Variants in CYB5RL observed in about 807,000 individuals in gnomAD.
The protein encoded by CYB5RL is NADH-cytochrome b5 reductase-like.
Under a neutral mutation model 37.5 loss-of-function variants are expected in CYB5RL, and 38 were observed. The observed-to-expected ratio is 1.01, with a 90% confidence interval of 0.78 to 1.33. CYB5RL has a LOEUF of 1.33. Ranked by LOEUF, CYB5RL falls within the 40% of genes most tolerant of loss-of-function variation. CYB5RL has a pLI of 0.00. For synonymous variants in CYB5RL, 141 were observed against 151.9 expected, an observed-to-expected ratio of 0.93 and a Z score of 0.53; for missense variants, 388 against 394.4, an observed-to-expected ratio of 0.98 and a Z score of 0.14.
At chr1:54,199,073 T>C (rs1476543755) in intron 1 of CYB5RL, among the ~76,000 whole-genome samples, 1 of 152,188 alleles carries the variant, frequency 6.6e-6, no homozygotes, top group Non-Finnish European at 1.5e-5. Context: ...AGGCACCACC[T>C]TTAATCCAGG....
chr1:54,191,291 C>A (rs1353395324), intron 3 of CYB5RL, among the ~76,000 whole-genome samples: 1 of 152,184 alleles, frequency 6.6e-6, no homozygotes. Flanking sequence ...TCAAGCAGTG[C>A]CCTCTTATCC....
intron 3 of CYB5RL, among the ~76,000 whole-genome samples, chr1:54,194,091 C>T (rs2100483952): frequency 6.6e-6 from 1 of 151,026 alleles, no homozygotes; most frequent in Non-Finnish European, 1.5e-5. Context: ...AACTGCAAGG[C>T]CAGGTGTGGT....
chr1:54,190,480 T>C (rs1165714272), intron 4 of CYB5RL: 3 of 592,624 alleles, frequency 5.1e-6, no homozygotes, highest in Admixed American at 6.3e-5. Flanking sequence ...ACACAGGATT[T>C]TGTGAGGGTT....
At position 54,177,936 on chromosome 1, in the gene CYB5RL, G is replaced by A. The variant is rs577621991; in HGVS notation, c.744+1213C>T. 9.1e-4 allele frequency among the ~76,000 whole-genome samples: 139 copies of A among 152,290 alleles called. 2 individuals carry two copies. The highest frequency in any genetic ancestry group is 3.0e-3 in the African/African-American group (125 of 41,572). Reference sequence around the variant, plus strand: ...GCAGCTTGGGGACCCTCTGCCAGGTGCTGCCTTCCTGCCCTCCTCCCAGCA... The same window carrying A: ...GCAGCTTGGGGACCCTCTGCCAGGTACTGCCTTCCTGCCCTCCTCCCAGCA... On this transcript the variant is annotated intron_variant, in intron 7 of 7. Coordinates refer to ENST00000534324, the MANE Select transcript of CYB5RL (RefSeq NM_001031672.4).
At chr1:54,194,004 C>CAATAATAAT (rs71066906) in intron 3 of CYB5RL, among the ~76,000 whole-genome samples, 1,733 of 146,696 alleles carry the variant, frequency 0.012, 24 homozygotes, top group East Asian at 0.043. Context: ...GACTCTTCCT[C>CAATAATAAT]AATAATAATA....
At chr1:54,189,010 C>T (rs1302528002) in intron 4 of CYB5RL, among the ~76,000 whole-genome samples, 10 of 152,096 alleles carry the variant, frequency 6.6e-5, no homozygotes, top group Non-Finnish European at 4.4e-5. Flanking sequence ...TGGTGAAACC[C>T]CATCTCTACT....
At chr1:54,195,285 T>C in intron 3 of CYB5RL, 134 bp downstream of exon 3, 1 of 1,067,772 alleles carries the variant, frequency 9.4e-7, no homozygotes, top group Non-Finnish European at 1.3e-6. Flanking sequence ...TGAGCCTAGA[T>C]CTGTTTGCTT....
chr1:54,186,273 T>G (rs1643896420), intron 5 of CYB5RL: 1 of 152,250 alleles, frequency 6.6e-6, no homozygotes, highest in Admixed American at 6.5e-5. Context: ...CTTTTTGAGC[T>G]TCAGTTTCTT....
At chr1:54,189,772 G>C (rs1489692550) in intron 4 of CYB5RL, among the ~76,000 whole-genome samples, 1 of 152,178 alleles carries the variant, frequency 6.6e-6, no homozygotes, top group Non-Finnish European at 1.5e-5. Flanking sequence ...TTCTAGGACT[G>C]CTGGCCAGGT....
chr1:54,172,630 C>T lies in CYB5RL; in HGVS notation c.*1989G>A, dbSNP rs549424575. 242 of 152,450 alleles carry T rather than the reference C, an allele frequency of 1.6e-3. 2 individuals carry two copies. Among genetic ancestry groups the T allele is most frequent in the Non-Finnish European group, 3.1e-3 (212 of 68,140 alleles). The allele number at this position is 152,450 out of a possible 1,614,324, so 9.4% of individuals were successfully genotyped here. A position where few individuals can be genotyped will look rare whatever the true frequency, so the allele number is the denominator to read the frequency against. ...TTTCATGACACCCATCACTTTTAGA[C>T]TTACAGGTTGAATTGCTGCCTTCCT... On this transcript the variant is annotated 3_prime_UTR_variant, in exon 8 of 8. Transcript: ENST00000534324.
intron 7 of CYB5RL, 99 bp downstream of exon 7, chr1:54,179,050 A>C (rs1166081906): frequency 7.3e-7 from 1 of 1,378,140 alleles, no homozygotes; most frequent in East Asian, 2.5e-5. Context: ...TTATGACCAC[A>C]GCATCCATTG....
intron 1 of CYB5RL, among the ~76,000 whole-genome samples, chr1:54,199,230 T>A (rs1456782372): frequency 6.6e-6 from 1 of 152,188 alleles, no homozygotes; most frequent in African/African-American, 2.4e-5. Context: ...ATACACGCAT[T>A]CACTAAACAT....
chr1:54,182,700 C>T (rs1207267627), intron 6 of CYB5RL, among the ~76,000 whole-genome samples: 3 of 152,144 alleles, frequency 2.0e-5, no homozygotes, highest in African/African-American at 7.2e-5. Flanking sequence ...CAGGTGTGTG[C>T]CACCATGCCT....
In CYB5RL at chr1:54,175,730, T is replaced by C. The variant is rs905458043; in HGVS notation, c.745-908A>G. 2.9e-5 allele frequency: 12 copies of C among 415,748 alleles called. 1 individual carries two copies. The highest frequency in any genetic ancestry group is 1.1e-4 in the Admixed American group (4 of 37,556). 25.8% of individuals were successfully genotyped at this position (415,748 alleles called of 1,614,324 possible). A position where few individuals can be genotyped will look rare whatever the true frequency, so the allele number is the denominator to read the frequency against. ...TATAGCAATAGAAACACACAAAAAATACAGTATAAGAGCTATTTACTCAAC... is the reference window on the plus strand; with the variant it reads ...TATAGCAATAGAAACACACAAAAAACACAGTATAAGAGCTATTTACTCAAC... On this transcript the variant is annotated intron_variant, in intron 7 of 7. Coordinates refer to ENST00000534324, the MANE Select transcript of CYB5RL (RefSeq NM_001031672.4).
chr1:54,183,746 C>T (rs755079972), intron 6 of CYB5RL, among the ~76,000 whole-genome samples: 2 of 152,092 alleles, frequency 1.3e-5, no homozygotes, highest in Non-Finnish European at 2.9e-5. Flanking sequence ...GAGGCTGAGG[C>T]GGGCAGATCA....
chr1:54,187,666 C>T lies in CYB5RL; in HGVS notation c.421G>A (p.Glu141Lys). The T allele has an allele frequency of 6.2e-7, 1 of 1,613,994 alleles. No homozygotes were observed. Among genetic ancestry groups the T allele is most frequent in the Non-Finnish European group, 8.5e-7 (1 of 1,179,884 alleles). ...GGTCAACTCACCTTAATTAACACTT[C>T]AAAGTATCCTTCTGCGTTGGCAGGG... ...ISPANAEGYF[E>K]VLIKCYQMGL... The change falls in exon 5 of 8, where the codon GAA (glutamate) becomes AAA (lysine). Residue 141 changes from glutamate to lysine, a missense_variant. Coordinates refer to ENST00000534324, the MANE Select transcript of CYB5RL (RefSeq NM_001031672.4).
intron 1 of CYB5RL, among the ~76,000 whole-genome samples, chr1:54,197,317 CT>C (rs766084507): frequency 1.7e-3 from 208 of 124,034 alleles, no homozygotes; most frequent in African/African-American, 4.8e-3. Context: ...CTTTTCTTTT[CT>C]TTTTTTTTTT....
intron 4 of CYB5RL, chr1:54,190,507 A>G: frequency 1.6e-6 from 1 of 611,704 alleles, no homozygotes. Context: ...TTTCATGCCT[A>G]TAAGCACCCA....
chr1:54,190,620 T>C (rs1172403364), intron 4 of CYB5RL, 128 bp downstream of exon 4: 14 of 1,177,674 alleles, frequency 1.2e-5, no homozygotes, highest in Non-Finnish European at 1.6e-5. Context: ...GAGTCATGTG[T>C]CACTATGTCT....
Sources: allele counts gnomAD v4.1 joint callset (sites outside exome capture counted in the v4.1 genomes callset), GRCh38; gene constraint gnomAD v4.1.1; transcripts MANE v1.5; gene names NCBI Gene and HGNC (gene_info 2026-07-23, HGNC 2026-07-21).